Variants in CDC123 observed in about 807,000 individuals in gnomAD.
The protein encoded by CDC123 is cell division cycle 123.
CDC123 carries 37 observed loss-of-function variants against 54.4 expected under a neutral mutation model. That is an observed-to-expected ratio of 0.68 (90% confidence interval 0.52 to 0.89). The LOEUF (loss-of-function observed/expected upper bound fraction) is 0.89, where lower values mean the gene tolerates loss of function less well. CDC123 is among the 40% of genes least tolerant of loss of function. The pLI, the probability that CDC123 is intolerant of heterozygous loss-of-function variation, is 0.00. For synonymous variants in CDC123, 144 were observed against 136.8 expected, an observed-to-expected ratio of 1.05 and a Z score of -0.37; for missense variants, 361 against 412.1, an observed-to-expected ratio of 0.88 and a Z score of 1.07.
intron 4 of CDC123, among the ~76,000 whole-genome samples, 174 bp downstream of exon 4, chr10:12,210,496 AG>A (rs1216286272): frequency 2.6e-5 from 4 of 152,176 alleles, no homozygotes; most frequent in Non-Finnish European, 4.4e-5. Flanking sequence ...ATCATTTAGC[AG>A]GCAAACATGA....
In CDC123 at chr10:12,238,615, C is replaced by G. The variant is rs1203915754; in HGVS notation, c.717+130C>G. The G allele has an allele frequency of 1.1e-5, 12 of 1,078,426 alleles. No homozygotes were observed. The Admixed American group carries it at 3.6e-4, about 33-fold the overall frequency. The allele number at this position is 1,078,426 out of a possible 1,614,324, so 66.8% of individuals were successfully genotyped here. ...TTTTGTCTGGGTGCAGCAGCTCATG[C>G]CTGTATTCCCAGCACTTTGGGAGGC... is the stretch of plus-strand genomic sequence containing the variant. On this transcript the variant is annotated intron_variant, in intron 10 of 12. Transcript: ENST00000281141.
intron 5 of CDC123, 27 bp from the exon 6 acceptor site, chr10:12,217,334 C>T: frequency 6.2e-7 from 1 of 1,602,082 alleles, no homozygotes; most frequent in Non-Finnish European, 8.5e-7. Context: ...GGAATATGGA[C>T]TAAATAGCAT....
rs187784930 is a variant in CDC123, at chr10:12,239,010, C to G, written c.717+525C>G. 1.8e-3 allele frequency among the ~76,000 whole-genome samples: 269 copies of G among 152,018 alleles called. 1 individual carries two copies. Among genetic ancestry groups the G allele is most frequent in the African/African-American group, 6.2e-3 (256 of 41,498 alleles). On this transcript the variant is annotated intron_variant, in intron 10 of 12. Coordinates refer to ENST00000281141, the MANE Select transcript of CDC123 (RefSeq NM_006023.3). The stretch of plus-strand genomic sequence containing the variant: ...GCCTCAAAAGAGAAAAAAAAAATAT[C>G]CGGGCCTGGTGGTGTTTGCCTGTAG...
chr10:12,239,366 A>G (rs1836022696), intron 10 of CDC123, among the ~76,000 whole-genome samples: 1 of 152,218 alleles, frequency 6.6e-6, no homozygotes, highest in African/African-American at 2.4e-5. Context: ...CCTGCTTAAA[A>G]TAGTTCAGTT....
chr10:12,230,841 G>A, intron 6 of CDC123, 107 bp from the exon 7 acceptor site: 1 of 1,029,408 alleles, frequency 9.7e-7, no homozygotes. Flanking sequence ...CCTGTTTCTG[G>A]ATGCTTTTAG....
intron 6 of CDC123, among the ~76,000 whole-genome samples, chr10:12,227,345 G>A (rs954749602): frequency 1.3e-5 from 2 of 152,076 alleles, no homozygotes; most frequent in Non-Finnish European, 2.9e-5. Flanking sequence ...ATACTAGTAC[G>A]GAGCCCAAGG....
Position 12,242,029 on chromosome 10 carries a change from C to T in CDC123, c.717+3544C>T, listed in dbSNP as rs576288281. 1.5e-3 allele frequency among the ~76,000 whole-genome samples: 225 copies of T among 152,266 alleles called. 1 individual carries two copies. Among genetic ancestry groups the T allele is most frequent in the Admixed American group, 2.4e-3 (37 of 15,270 alleles). On this transcript the variant is annotated intron_variant, in intron 10 of 12. Transcript: ENST00000281141. ...TCATAATCTCAATTACACTTTTAAA[C>T]GGCTTGTCGTAGCATGTGTTTCATC...
chr10:12,216,975 A>C (rs534497605), intron 5 of CDC123, among the ~76,000 whole-genome samples: 17 of 152,330 alleles, frequency 1.1e-4, no homozygotes, highest in Admixed American at 4.6e-4. Flanking sequence ...AAACGGGAAG[A>C]GTGGAAATTG....
At chr10:12,204,282 A>G (rs1419694233) in intron 2 of CDC123, among the ~76,000 whole-genome samples, 1 of 152,048 alleles carries the variant, frequency 6.6e-6, no homozygotes, top group Non-Finnish European at 1.5e-5. Flanking sequence ...CTTCTTGGTC[A>G]CGAGTTCTTT....
At position 12,196,213 on chromosome 10, in the gene CDC123, A is replaced by C; in HGVS notation, c.-33A>C. 5 of 1,613,540 alleles carry C rather than the reference A, an allele frequency of 3.1e-6. No individual in the cohort carries two copies. The highest frequency in any genetic ancestry group is 2.2e-5 in the East Asian group (1 of 44,852). ...AGAGTTCCGGGAGGGTGCAGGCAGG[A>C]GAGGGAAAGGCAGCAGCGGCGGCAG... On this transcript the variant is annotated 5_prime_UTR_variant, in exon 1 of 13. Coordinates refer to ENST00000281141, the MANE Select transcript of CDC123 (RefSeq NM_006023.3).
chr10:12,208,338 A>G (rs1835548700), intron 2 of CDC123, among the ~76,000 whole-genome samples: 3 of 152,132 alleles, frequency 2.0e-5, no homozygotes, highest in Admixed American at 1.3e-4. Context: ...GATTCCCTCT[A>G]GGCAATGAAG....
intron 10 of CDC123, among the ~76,000 whole-genome samples, chr10:12,241,390 A>C (rs1445753495): frequency 2.0e-5 from 3 of 152,172 alleles, no homozygotes; most frequent in Non-Finnish European, 2.9e-5. Context: ...CATTTTAAAA[A>C]ATACTTCCCC....
At chr10:12,218,158 C>G (rs1034399199) in intron 6 of CDC123, among the ~76,000 whole-genome samples, 6 of 151,452 alleles carry the variant, frequency 4.0e-5, no homozygotes, top group African/African-American at 1.5e-4. Context: ...AGAATTCTAT[C>G]TATAGATAAA....
chr10:12,245,544 A>G (rs1461311571), intron 10 of CDC123: 1 of 152,326 alleles, frequency 6.6e-6, no homozygotes, highest in East Asian at 1.9e-4. Flanking sequence ...GGTGTGAGCC[A>G]CCATGCCCGG....
intron 2 of CDC123, among the ~76,000 whole-genome samples, chr10:12,202,620 A>T (rs1247322320): frequency 1.3e-5 from 2 of 152,238 alleles, no homozygotes; most frequent in African/African-American, 4.8e-5. Flanking sequence ...GCAACTGACC[A>T]GGCGGCTAGA....
intron 4 of CDC123, among the ~76,000 whole-genome samples, chr10:12,214,145 C>G (rs1312781597): frequency 6.6e-6 from 1 of 152,168 alleles, no homozygotes; most frequent in African/African-American, 2.4e-5. Flanking sequence ...CTGATCACAT[C>G]TTTTAAAAGG....
At chr10:12,202,372 C>T (rs1835450962) in intron 2 of CDC123, among the ~76,000 whole-genome samples, 1 of 152,140 alleles carries the variant, frequency 6.6e-6, no homozygotes, top group Non-Finnish European at 1.5e-5. Context: ...AACCGTTTTT[C>T]CTCTGCTCTC....
At chr10:12,215,907 C>T (rs1341842769) in intron 5 of CDC123, 72 bp downstream of exon 5, 8 of 882,562 alleles carry the variant, frequency 9.1e-6, no homozygotes, top group Non-Finnish European at 1.4e-5. Flanking sequence ...TTTCATATCC[C>T]TACAGAGGGT....
chr10:12,225,454 C>G (rs1030678639), intron 6 of CDC123, among the ~76,000 whole-genome samples: 1 of 152,116 alleles, frequency 6.6e-6, no homozygotes, highest in South Asian at 2.1e-4. Flanking sequence ...ATCTTGGACA[C>G]TTTGGATTGG....
Sources: allele counts gnomAD v4.1 joint callset (sites outside exome capture counted in the v4.1 genomes callset), GRCh38; gene constraint gnomAD v4.1.1; transcripts MANE v1.5; gene names NCBI Gene and HGNC (gene_info 2026-07-23, HGNC 2026-07-21).